Variants in SHISA5 observed in about 807,000 individuals in gnomAD.
The protein encoded by SHISA5 is shisa family member 5.
Under a neutral mutation model 27.5 loss-of-function variants are expected in SHISA5, and 21 were observed. The ratio of observed to expected loss-of-function variants is 0.76; its 90% CI spans 0.54 to 1.10. The LOEUF is 1.10. SHISA5 is among the 50% of genes least tolerant of loss of function. The probability of loss-of-function intolerance (pLI) is 0.00; values close to 1 mark genes in which losing one functional copy is unlikely to be tolerated. For synonymous variants in SHISA5, 137 were observed against 142.2 expected, an observed-to-expected ratio of 0.96 and a Z score of 0.26; for missense variants, 314 against 336.3, an observed-to-expected ratio of 0.93 and a Z score of 0.52.
chr3:48,496,547 A>G (rs913643979), intron 2 of SHISA5, among the ~76,000 whole-genome samples: 2 of 151,156 alleles, frequency 1.3e-5, no homozygotes, highest in African/African-American at 4.9e-5. Context: ...CCTGGCCAAC[A>G]TGATGAAACC....
In SHISA5 at chr3:48,504,141, G is replaced by T. The variant is rs993671054; in HGVS notation, c.-47C>A. On this transcript the variant is annotated 5_prime_UTR_variant, in exon 1 of 6. Transcript: ENST00000296444. The surrounding 1 kb of genome is among the most constrained non-coding windows in gnomAD (Gnocchi z 4.0). ...GACGGACGCGAGCGCCGGGCGCAGT[G>T]CCGCCACAGCCTCAGTGATCCGCGC... 13 of 955,112 alleles carry T rather than the reference G, an allele frequency of 1.4e-5. No homozygotes were observed. Among genetic ancestry groups the T allele is most frequent in the Non-Finnish European group, 1.7e-5 (12 of 714,802 alleles). 59.2% of individuals were successfully genotyped at this position (955,112 alleles called of 1,614,324 possible).
chr3:48,479,179 T>C lies in SHISA5; in HGVS notation c.312A>G (p.Ser104=), dbSNP rs748570091. ...CCCAGCCAGCAGGCTTTACTTACCC[T>C]GACATGGGGTCGTTGTAGCCAGGGC... ...RFRPGYNDPM[S]GFGATLAVGL... Residue 104 remains serine (S), a splice_region_variant and synonymous_variant, in exon 3 of 6, where the codon TCA becomes TCG. Coordinates refer to ENST00000296444, the MANE Select transcript of SHISA5 (RefSeq NM_016479.6). 24 of 1,607,578 alleles carry C rather than the reference T, an allele frequency of 1.5e-5. No individual in the cohort carries two copies. The Admixed American group carries it at 4.1e-4, about 27-fold the overall frequency.
At chr3:48,482,609 A>G (rs2107330441) in intron 2 of SHISA5, among the ~76,000 whole-genome samples, 1 of 152,200 alleles carries the variant, frequency 6.6e-6, no homozygotes, top group East Asian at 1.9e-4. Context: ...ATTTGCCTTC[A>G]AGGACCTCAT....
intron 2 of SHISA5, among the ~76,000 whole-genome samples, chr3:48,497,913 GA>G (rs911060292): frequency 1.3e-5 from 2 of 151,440 alleles, no homozygotes; most frequent in African/African-American, 4.9e-5. Flanking sequence ...GAGAGAGAGA[GA>G]GATTTCTTTC....
intron 3 of SHISA5, among the ~76,000 whole-genome samples, chr3:48,476,607 G>A (rs958041383): frequency 1.3e-4 from 20 of 152,278 alleles, no homozygotes; most frequent in Admixed American, 1.2e-3. Flanking sequence ...CCCAGCAGAG[G>A]ATGTCTCCTT....
In SHISA5 at chr3:48,469,360, C is replaced by A; in HGVS notation, c.643+1G>T. 6.3e-7 allele frequency: 1 copy of A among 1,581,130 alleles called. No individual in the cohort carries two copies. On this transcript the variant is annotated splice_donor_variant, in intron 5 of 5. Transcript: ENST00000296444. LOFTEE classifies it high-confidence loss of function. The surrounding 1 kb of genome is among the most constrained non-coding windows in gnomAD (Gnocchi z 4.6). ...GGGCTAGAGTTGGCAGGGGCACTCA[C>A]CAGCCAGGGTCTCGTGGTAGGCCGG... is the stretch of plus-strand genomic sequence containing the variant.
Position 48,485,149 on chromosome 3 carries a change from T to A in SHISA5, c.234-5892A>T, listed in dbSNP as rs1333866612. On this transcript the variant is annotated intron_variant, in intron 2 of 5. Transcript: ENST00000296444. The stretch of plus-strand genomic sequence containing the variant: ...GTGATCATGCCACTACACTTCAGCC[T>A]GGGGGACAGAGCAAGACTCAGTCTC... 3.3e-5 allele frequency among the ~76,000 whole-genome samples: 5 copies of A among 151,862 alleles called. No homozygotes were observed. The East Asian group carries it at 7.7e-4, about 23-fold the overall frequency.
intron 1 of SHISA5, chr3:48,503,768 A>C (rs1575337872): frequency 8.1e-7 from 1 of 1,237,096 alleles, no homozygotes; most frequent in Middle Eastern, 3.1e-4. Flanking sequence ...GGGAGGGCAG[A>C]CCCCTCCCCA....
intron 3 of SHISA5, among the ~76,000 whole-genome samples, chr3:48,471,554 C>CAAA (rs1553822500): frequency 3.6e-4 from 6 of 16,704 alleles, no homozygotes; most frequent in African/African-American, 5.3e-4. Context: ...GACTCTGTCT[C>CAAA]AAAAAAAAAA....
chr3:48,504,229 G>C (rs988649887), upstream of SHISA5: 4 of 392,516 alleles, frequency 1.0e-5, no homozygotes, highest in African/African-American at 6.3e-5. The surrounding 1 kb of genome is among the most constrained non-coding windows in gnomAD (Gnocchi z 4.0). Context: ...CCTCTGTCCG[G>C]GGGAGCAGGA....
At chr3:48,486,063 T>C (rs2041209048) in intron 2 of SHISA5, among the ~76,000 whole-genome samples, 1 of 149,750 alleles carries the variant, frequency 6.7e-6, no homozygotes, top group Non-Finnish European at 1.5e-5. Flanking sequence ...CTAGAGTTAC[T>C]GCCAGAAGCA....
At chr3:48,480,008 G>A (rs780409391) in intron 2 of SHISA5, among the ~76,000 whole-genome samples, 44 of 151,184 alleles carry the variant, frequency 2.9e-4, no homozygotes, top group Non-Finnish European at 1.3e-4. Flanking sequence ...GCTTCACACC[G>A]TTCTCCTGCC....
intron 2 of SHISA5, among the ~76,000 whole-genome samples, chr3:48,485,785 C>T (rs1196121306): frequency 2.0e-5 from 3 of 151,006 alleles, no homozygotes; most frequent in Admixed American, 6.7e-5. Context: ...CAGAGATGAG[C>T]CTGACAGCTG....
Position 48,486,940 on chromosome 3 carries a change from A to G in SHISA5, c.234-7683T>C, listed in dbSNP as rs533301848. Among the ~76,000 whole-genome samples, 11 of 150,392 alleles carry G rather than the reference A, an allele frequency of 7.3e-5. No individual in the cohort carries two copies. In the East Asian group the frequency reaches 2.1e-3, roughly 29 times the overall value. On this transcript the variant is annotated intron_variant, in intron 2 of 5. Coordinates refer to ENST00000296444, the MANE Select transcript of SHISA5 (RefSeq NM_016479.6). ...CATCTCAAAAAAAAAAAAAAGAAAG[A>G]AAAGAAAAGAAAAACCCACAGGTGG...
At chr3:48,500,615 A>G (rs2041725223) in intron 2 of SHISA5, among the ~76,000 whole-genome samples, 1 of 152,094 alleles carries the variant, frequency 6.6e-6, no homozygotes, top group Non-Finnish European at 1.5e-5. Context: ...GGGGCCTGGA[A>G]CCTTGGTCCC....
intron 3 of SHISA5, among the ~76,000 whole-genome samples, chr3:48,477,651 C>T (rs2040869610): frequency 6.6e-6 from 1 of 152,196 alleles, no homozygotes; most frequent in African/African-American, 2.4e-5. Context: ...TTTCCAACTG[C>T]TCTTCAATCT....
At position 48,470,186 on chromosome 3, in the gene SHISA5, G is replaced by A. The variant is rs1054326331; in HGVS notation, c.315-343C>T. Among the ~76,000 whole-genome samples the A allele has an allele frequency of 5.9e-5, 9 of 152,222 alleles. No individual in the cohort carries two copies. The highest frequency in any genetic ancestry group is 2.2e-4 in the African/African-American group (9 of 41,454). On this transcript the variant is annotated intron_variant, in intron 3 of 5. Transcript: ENST00000296444. The surrounding 1 kb of genome is among the most constrained non-coding windows in gnomAD (Gnocchi z 4.3). ...GTATAGGGCACATGCCACAAGCCAG[G>A]CACTGTGATTTGAGTCAAAAAACTT... is the stretch of plus-strand genomic sequence containing the variant.
chr3:48,483,788 C>T (rs1450114405), intron 2 of SHISA5, among the ~76,000 whole-genome samples: 7 of 149,924 alleles, frequency 4.7e-5, no homozygotes, highest in African/African-American at 9.8e-5. Flanking sequence ...ACCTCCCTCC[C>T]GGACGGGGCG....
intron 2 of SHISA5, among the ~76,000 whole-genome samples, chr3:48,492,217 T>A (rs2041452537): frequency 8.2e-6 from 1 of 122,040 alleles, no homozygotes. Flanking sequence ...ACGCCTGTAA[T>A]CCCAGCACTT....
Sources: allele counts gnomAD v4.1 joint callset (sites outside exome capture counted in the v4.1 genomes callset), GRCh38; gene constraint gnomAD v4.1.1; non-coding constraint Gnocchi (gnomAD v3.1); transcripts MANE v1.5; gene names NCBI Gene and HGNC (gene_info 2026-07-23, HGNC 2026-07-21).